Variants in GALNT15 observed in about 807,000 individuals in gnomAD.
The protein encoded by GALNT15 is UDP-GalNAc transferase T15.
A neutral mutation model predicts 66.8 loss-of-function variants in GALNT15; 67 were observed. The ratio of observed to expected loss-of-function variants is 1.00; its 90% CI spans 0.82 to 1.23. The LOEUF (loss-of-function observed/expected upper bound fraction) is 1.23, where lower values mean the gene tolerates loss of function less well. Ranked by LOEUF, GALNT15 falls within the 50% of genes most tolerant of loss-of-function variation. The pLI is 0.00. For missense variants in GALNT15, 827 were observed against 804.3 expected (o/e 1.03, Z -0.34); for synonymous variants, 313 against 311.5 (o/e 1.00, Z -0.05).
chr3:16,246,888 T>G, the GALNT15 span, among the ~76,000 whole-genome samples: 1 of 152,232 alleles, frequency 6.6e-6, no homozygotes, highest in Non-Finnish European at 1.5e-5. Flanking sequence ...TTGTGAGGCC[T>G]ATGGCTTGTA....
chr3:16,212,781 T>C lies in GALNT15; in HGVS notation c.1392+18T>C, dbSNP rs1231205732. 3.1e-6 allele frequency: 5 copies of C among 1,607,238 alleles called. No homozygotes were observed. Among genetic ancestry groups the C allele is most frequent in the Non-Finnish European group, 4.3e-6 (5 of 1,176,180 alleles). On this transcript the variant is annotated intron_variant, in intron 6 of 9. Coordinates refer to ENST00000339732, the MANE Select transcript of GALNT15 (RefSeq NM_054110.5). ...TGAGCAAGGTAAGGAGAGAGCCAAG[T>C]GGGGCTTCTGTGTCCAGCACAGGGC...
intron 3 of GALNT15, among the ~76,000 whole-genome samples, chr3:16,201,211 T>G (rs1178256576): frequency 6.6e-6 from 1 of 151,840 alleles, no homozygotes; most frequent in Admixed American, 6.6e-5. Context: ...TGATGGCGTC[T>G]CGCTCTGTCA....
Position 16,223,995 on chromosome 3 carries a change from A to T in GALNT15, c.1773+1237A>T, listed in dbSNP as rs561678181. Among the ~76,000 whole-genome samples the T allele has an allele frequency of 6.6e-5, 10 of 152,310 alleles. No homozygotes were observed. In the East Asian group the frequency reaches 7.7e-4, roughly 12 times the overall value. On this transcript the variant is annotated intron_variant, in intron 9 of 9. Transcript: ENST00000339732. ...GTTGTCAGCCACCATGTCTGGCCTC[A>T]AAGAAGTCTTATGAGTCAAGTTAAG...
rs905681395 is a variant in GALNT15 at position 16,211,069 on chromosome 3, G to T, written c.1080-55G>T. 21 of 1,334,594 alleles carry T rather than the reference G, an allele frequency of 1.6e-5. 1 individual carries two copies. In the South Asian group the frequency reaches 2.1e-4, roughly 13 times the overall value. The allele number at this position is 1,334,594 out of a possible 1,614,324, so 82.7% of individuals were successfully genotyped here. On this transcript the variant is annotated intron_variant, in intron 4 of 9. Transcript: ENST00000339732. The surrounding 1 kb of genome is among the most constrained non-coding windows in gnomAD (Gnocchi z 4.3). ...CTGGGAAGCCCCAGCCCCCAGCCTC[G>T]CCTGCTGTGCTCTGGGTTCTGAACT...
the GALNT15 span, among the ~76,000 whole-genome samples, chr3:16,241,009 C>T: frequency 2.6e-5 from 4 of 152,138 alleles, no homozygotes; most frequent in Admixed American, 1.3e-4. This position sits in a 1 kb window ranked among gnomAD's most constrained non-coding sequence, Gnocchi z 4.6. Context: ...CCCTTCCCTC[C>T]GTTTGCCAGC....
At chr3:16,236,550 A>C (rs1166202289), downstream of GALNT15, among the ~76,000 whole-genome samples, 2 of 152,254 alleles carry the variant, frequency 1.3e-5, no homozygotes, top group Non-Finnish European at 2.9e-5. Context: ...CAAATTACAG[A>C]TTACTTAAAA....
intron 1 of GALNT15, among the ~76,000 whole-genome samples, chr3:16,178,827 C>T: frequency 6.6e-6 from 1 of 152,238 alleles, no homozygotes; most frequent in East Asian, 1.9e-4. Flanking sequence ...AGCGCTAGGA[C>T]ATCAGGAGCC....
At position 16,225,281 on chromosome 3, in the gene GALNT15, G is replaced by C. The variant is rs1366363700; in HGVS notation, c.1774-2073G>C. 1.3e-5 allele frequency among the ~76,000 whole-genome samples: 2 copies of C among 152,060 alleles called. No homozygotes were observed. Among genetic ancestry groups the C allele is most frequent in the Non-Finnish European group, 2.9e-5 (2 of 68,020 alleles). ...CCACCAAACCCCACCTCCAGCACTG[G>C]GAATTACAATTCAACATGAGATTTA... On this transcript the variant is annotated intron_variant, in intron 9 of 9. Transcript: ENST00000339732. This position sits in a 1 kb window ranked among gnomAD's most constrained non-coding sequence, Gnocchi z 4.4.
Position 16,175,660 on chromosome 3 carries a change from A to T in GALNT15, c.509A>T (p.Gln170Leu). The T allele has an allele frequency of 6.2e-7, 1 of 1,606,424 alleles. No homozygotes were observed. The highest frequency in any genetic ancestry group is 8.5e-7 in the Non-Finnish European group (1 of 1,176,066). Residue 170 changes from glutamine (Q) to leucine (L), a missense_variant, in exon 1 of 10, where the codon CAG becomes CTG. Gln to Leu is a moderately radical substitution (Grantham distance 113). Coordinates refer to ENST00000339732, the MANE Select transcript of GALNT15 (RefSeq NM_054110.5). The surrounding 1 kb of genome is among the most constrained non-coding windows in gnomAD (Gnocchi z 5.6). ...GCACTCAGTGCCCGCATCCCCCTCC[A>T]GAGGGCTCTGCCCGAGGTGCGGCAC... ...QEALSARIPL[Q>L]RALPEVRHPL...
rs539995714 is a variant in GALNT15, at chr3:16,224,535, T to G, written c.1773+1777T>G. On this transcript the variant is annotated intron_variant, in intron 9 of 9. Coordinates refer to ENST00000339732, the MANE Select transcript of GALNT15 (RefSeq NM_054110.5). This position sits in a 1 kb window ranked among gnomAD's most constrained non-coding sequence, Gnocchi z 5.2. ...GAGGAGAAAAAGGGAATTTGTTTAT[T>G]AATGGTTATAGAGTTTCACTTTTAC... 2.0e-5 allele frequency among the ~76,000 whole-genome samples: 3 copies of G among 151,750 alleles called. No individual in the cohort carries two copies. The East Asian group carries it at 5.8e-4, about 29-fold the overall frequency.
downstream of GALNT15, among the ~76,000 whole-genome samples, chr3:16,231,065 T>C (rs983863848): frequency 6.8e-6 from 1 of 147,434 alleles, no homozygotes; most frequent in Non-Finnish European, 1.5e-5. The surrounding 1 kb of genome is among the most constrained non-coding windows in gnomAD (Gnocchi z 4.1). Context: ...ACACCACATG[T>C]TCTCACTCAT....
chr3:16,222,809 C>G (rs748309961), intron 9 of GALNT15, 51 bp downstream of exon 9: 15 of 1,599,470 alleles, frequency 9.4e-6, no homozygotes, highest in Non-Finnish European at 1.3e-5. Context: ...TCAGAAGGAA[C>G]TGCTGGTTGG....
At chr3:16,215,191 T>C (rs1224105565) in intron 6 of GALNT15, among the ~76,000 whole-genome samples, 2 of 152,230 alleles carry the variant, frequency 1.3e-5, no homozygotes, top group African/African-American at 4.8e-5. Flanking sequence ...CCCACATTGG[T>C]TGGTGCAATT....
chr3:16,185,986 A>T (rs549345566), intron 1 of GALNT15, among the ~76,000 whole-genome samples: 1 of 152,190 alleles, frequency 6.6e-6, no homozygotes, highest in South Asian at 2.1e-4. Flanking sequence ...GCTTCAAAAG[A>T]TGTCATCAAG....
At chr3:16,199,467 C>A (rs1254244383) in intron 2 of GALNT15, among the ~76,000 whole-genome samples, 1 of 142,066 alleles carries the variant, frequency 7.0e-6, no homozygotes, top group Non-Finnish European at 1.6e-5. Flanking sequence ...AATCTCCTAC[C>A]AGCTGCCAAA....
rs909203753 is a variant in GALNT15 at position 16,181,303 on chromosome 3, G to A, written c.539+5613G>A. Among the ~76,000 whole-genome samples the A allele has an allele frequency of 3.3e-5, 5 of 152,104 alleles. No homozygotes were observed. Among genetic ancestry groups the A allele is most frequent in the Non-Finnish European group, 7.3e-5 (5 of 68,032 alleles). ...TTAGTTGGTCTGGGGTGAGGCCTGG[G>A]CACCAAGAGCTTAAAACTCCCCAGG... On this transcript the variant is annotated intron_variant, in intron 1 of 9. Coordinates refer to ENST00000339732, the MANE Select transcript of GALNT15 (RefSeq NM_054110.5). The surrounding 1 kb of genome is among the most constrained non-coding windows in gnomAD (Gnocchi z 5.9).
the GALNT15 span, among the ~76,000 whole-genome samples, chr3:16,238,136 C>T: frequency 2.6e-5 from 4 of 152,176 alleles, no homozygotes; most frequent in Non-Finnish European, 5.9e-5. The surrounding 1 kb of genome is among the most constrained non-coding windows in gnomAD (Gnocchi z 4.8). Flanking sequence ...TTCCTCTTAG[C>T]AGTTACCATG....
At chr3:16,190,809 AGCT>A (rs1237398959) in intron 1 of GALNT15, among the ~76,000 whole-genome samples, 1 of 152,182 alleles carries the variant, frequency 6.6e-6, no homozygotes, top group Non-Finnish European at 1.5e-5. Context: ...GGGTCCGCTC[AGCT>A]GCTGCTGGTC....
chr3:16,200,230 C>T lies in GALNT15; in HGVS notation c.707-389C>T, dbSNP rs534633431. 1.3e-5 allele frequency among the ~76,000 whole-genome samples: 2 copies of T among 152,256 alleles called. No homozygotes were observed. The highest frequency in any genetic ancestry group is 3.9e-4 in the East Asian group (2 of 5,178). On this transcript the variant is annotated intron_variant, in intron 2 of 9. Coordinates refer to ENST00000339732, the MANE Select transcript of GALNT15 (RefSeq NM_054110.5). This position sits in a 1 kb window ranked among gnomAD's most constrained non-coding sequence, Gnocchi z 4.4. ...AACTGCCCACATGATCCAATCACCTCCCACCAGGTCCCTCCCTCGCCACAT... is the reference window on the plus strand; with the variant it reads ...AACTGCCCACATGATCCAATCACCTTCCACCAGGTCCCTCCCTCGCCACAT...
Sources: allele counts gnomAD v4.1 joint callset (sites outside exome capture counted in the v4.1 genomes callset), GRCh38; gene constraint gnomAD v4.1.1; non-coding constraint Gnocchi (gnomAD v3.1); transcripts MANE v1.5; gene names NCBI Gene and HGNC (gene_info 2026-07-23, HGNC 2026-07-21).